Variants in SCAMP1 observed in about 807,000 individuals in gnomAD.
The protein encoded by SCAMP1 is secretory carrier-associated membrane protein 1.
In SCAMP1, 15 loss-of-function variants were observed where a neutral mutation model predicts 41.8. The ratio of observed to expected loss-of-function variants is 0.36; its 90% confidence interval spans 0.24 to 0.55. The LOEUF (loss-of-function observed/expected upper bound fraction) is 0.55. Among genes scored for constraint, SCAMP1 ranks in the 20% least tolerant of loss-of-function variants. The probability of loss-of-function intolerance (pLI) is 0.86; values close to 1 mark genes in which losing one functional copy is unlikely to be tolerated. For synonymous variants in SCAMP1, 135 were observed against 136.8 expected (o/e 0.99, Z 0.09); for missense variants, 341 against 412.6 (o/e 0.83, Z 1.50).
chr5:78,369,740 A>G (rs949178883), intron 1 of SCAMP1, among the ~76,000 whole-genome samples: 3 of 152,200 alleles, frequency 2.0e-5, no homozygotes, highest in Admixed American at 1.3e-4. Context: ...TATATCGACC[A>G]TATTGGATAT....
chr5:78,386,639 T>A (rs779310317), intron 1 of SCAMP1, among the ~76,000 whole-genome samples: 1 of 152,170 alleles, frequency 6.6e-6, no homozygotes, highest in Non-Finnish European at 1.5e-5. Context: ...TTTCATAGTT[T>A]TTGTAGTGCT....
chr5:78,431,363 A>T (rs992366561), intron 6 of SCAMP1, among the ~76,000 whole-genome samples: 3 of 151,404 alleles, frequency 2.0e-5, no homozygotes, highest in Non-Finnish European at 3.0e-5. Context: ...AAGCTACTTT[A>T]TATATGAAGT....
intron 7 of SCAMP1, 133 bp downstream of exon 7, chr5:78,450,167 C>T: frequency 1.7e-6 from 1 of 583,570 alleles, no homozygotes; most frequent in South Asian, 2.3e-5. Flanking sequence ...TTTAAAAATA[C>T]AATTTTAAAA....
chr5:78,361,160 G>A (rs918459168), intron 1 of SCAMP1: 37 of 181,340 alleles, frequency 2.0e-4, no homozygotes, highest in Admixed American at 3.7e-4. Flanking sequence ...AGGTGGCGGC[G>A]GCGGAGAGCT....
chr5:78,436,729 C>G (rs1752766684), intron 6 of SCAMP1, among the ~76,000 whole-genome samples: 1 of 152,120 alleles, frequency 6.6e-6, no homozygotes, highest in African/African-American at 2.4e-5. Context: ...TCCATATGAA[C>G]TTTACCGTAG....
chr5:78,461,107 A>C (rs1387526286), intron 8 of SCAMP1, among the ~76,000 whole-genome samples: 1 of 152,048 alleles, frequency 6.6e-6, no homozygotes, highest in South Asian at 2.1e-4. Context: ...CAGCCCTCAC[A>C]AAGTACTGGG....
chr5:78,392,364 G>A (rs537516262), intron 2 of SCAMP1, among the ~76,000 whole-genome samples: 14 of 152,310 alleles, frequency 9.2e-5, no homozygotes, highest in Middle Eastern at 3.4e-3. Context: ...ATTAACTCGT[G>A]TTATCTGTAA....
intron 8 of SCAMP1, among the ~76,000 whole-genome samples, chr5:78,473,601 A>G (rs1361026720): frequency 2.0e-5 from 3 of 152,226 alleles, no homozygotes; most frequent in Non-Finnish European, 4.4e-5. Context: ...CCCAATTGGT[A>G]GTTTTTCAAC....
intron 6 of SCAMP1, among the ~76,000 whole-genome samples, chr5:78,448,672 CTGGAATACT>C (rs1361608227): frequency 6.6e-6 from 1 of 152,128 alleles, no homozygotes; most frequent in Non-Finnish European, 1.5e-5. Context: ...TGTGGAGGAG[CTGGAATACT>C]CATGTACTGC....
intron 7 of SCAMP1, among the ~76,000 whole-genome samples, chr5:78,453,050 A>C (rs1263696068): frequency 6.8e-6 from 1 of 146,890 alleles, no homozygotes; most frequent in African/African-American, 2.6e-5. Flanking sequence ...TTTTCTTGTA[A>C]ATTTGTTTGA....
intron 1 of SCAMP1, among the ~76,000 whole-genome samples, chr5:78,378,171 AATC>A (rs1156514316): frequency 6.6e-6 from 1 of 152,236 alleles, no homozygotes; most frequent in Non-Finnish European, 1.5e-5. Flanking sequence ...TTTGGATACT[AATC>A]ATGAAACCCA....
At chr5:78,444,033 A>AT (rs1286382103) in intron 6 of SCAMP1, among the ~76,000 whole-genome samples, 4 of 151,788 alleles carry the variant, frequency 2.6e-5, no homozygotes, top group Admixed American at 6.6e-5. Context: ...ACATATGCAA[A>AT]TTTTTTTTGC....
chr5:78,454,158 A>G (rs1753319442), intron 7 of SCAMP1, among the ~76,000 whole-genome samples: 2 of 152,054 alleles, frequency 1.3e-5, no homozygotes, highest in South Asian at 4.2e-4. Context: ...TCTTTTCCTA[A>G]TTGAATGCCC....
At chr5:78,380,834 G>A (rs1334908645) in intron 1 of SCAMP1, among the ~76,000 whole-genome samples, 3 of 152,228 alleles carry the variant, frequency 2.0e-5, no homozygotes, top group African/African-American at 7.2e-5. Flanking sequence ...GGGAGGCCGA[G>A]GCAGGTGGAT....
intron 1 of SCAMP1, among the ~76,000 whole-genome samples, chr5:78,372,970 T>C (rs1750976995): frequency 6.6e-6 from 1 of 152,094 alleles, no homozygotes; most frequent in Non-Finnish European, 1.5e-5. Flanking sequence ...GAACTATTAA[T>C]ATAAGAAACA....
At chr5:78,373,597 G>A (rs1196669145) in intron 1 of SCAMP1, among the ~76,000 whole-genome samples, 4 of 152,072 alleles carry the variant, frequency 2.6e-5, no homozygotes, top group African/African-American at 7.2e-5. Context: ...ATTGCTTTAA[G>A]ACGTAATTTG....
At chr5:78,391,892 A>G (rs546609414) in intron 2 of SCAMP1, among the ~76,000 whole-genome samples, 52 of 152,278 alleles carry the variant, frequency 3.4e-4, no homozygotes, top group Non-Finnish European at 3.2e-4. Context: ...CTGCAATCGC[A>G]GGCACTCGGC....
intron 8 of SCAMP1, among the ~76,000 whole-genome samples, chr5:78,460,403 C>T (rs1410956592): frequency 2.6e-5 from 4 of 152,142 alleles, no homozygotes; most frequent in Non-Finnish European, 5.9e-5. Context: ...TTCTCTGCAT[C>T]CTTGCCAACA....
chr5:78,361,281 A>G (rs900934959), intron 1 of SCAMP1, among the ~76,000 whole-genome samples: 28 of 152,260 alleles, frequency 1.8e-4, no homozygotes, highest in African/African-American at 6.5e-4. Flanking sequence ...TGTTGCACCC[A>G]AATACCACCA....
Sources: gnomAD v4.1 joint callset for allele counts (sites outside exome capture counted in the v4.1 genomes callset) on GRCh38, gnomAD v4.1.1 for gene constraint, MANE v1.5 for transcripts, NCBI Gene and HGNC (gene_info 2026-07-23, HGNC 2026-07-21) for gene names.